The following PBRM1 variants were observed in gnomAD, a reference collection of about 807,000 sequenced individuals.
PBRM1 encodes polybromo 1, also known as protein polybromo-1.
Under a neutral mutation model 194.5 loss-of-function variants are expected in PBRM1, and 27 were observed. The observed-to-expected ratio is 0.14, with a 90% CI of 0.10 to 0.19. The LOEUF is 0.19. Among genes scored for constraint, PBRM1 ranks in the 10% least tolerant of loss-of-function variants. The probability of loss-of-function intolerance (pLI) is 1.00; values close to 1 mark genes in which losing one functional copy is unlikely to be tolerated. For synonymous variants in PBRM1, 655 were observed against 693.2 expected (o/e 0.94, Z 0.87); for missense variants, 1,466 against 2,077.2 (o/e 0.71, Z 5.72).
chr3:52,669,676 G>A (rs1317610385), intron 2 of PBRM1, among the ~76,000 whole-genome samples: 3 of 151,990 alleles, frequency 2.0e-5, no homozygotes, highest in African/African-American at 4.8e-5. Context: ...CTTTTATTAC[G>A]TATAATATAT....
At chr3:52,642,828 C>T (rs2096151991) in intron 9 of PBRM1, among the ~76,000 whole-genome samples, 1 of 151,010 alleles carries the variant, frequency 6.6e-6, no homozygotes, top group Non-Finnish European at 1.5e-5. Context: ...CCTCTGTTGC[C>T]CTGGCTGGAG....
chr3:52,563,566 C>T (rs145585353), intron 23 of PBRM1, 73 bp from the exon 26 acceptor site: 292 of 1,040,154 alleles, frequency 2.8e-4, no homozygotes, highest in Non-Finnish European at 4.1e-4. Context: ...CAGTGTTCCA[C>T]CTTAACAACT....
intron 26 of PBRM1, 36 bp from the exon 29 acceptor site, chr3:52,554,915 T>C (rs2081905144): frequency 6.3e-7 from 1 of 1,590,268 alleles, no homozygotes; most frequent in Admixed American, 1.7e-5. Context: ...CATGCATCAT[T>C]AACATGCAAC....
chr3:52,618,749 G>C (rs1042515858), intron 13 of PBRM1, among the ~76,000 whole-genome samples: 1 of 148,114 alleles, frequency 6.8e-6, no homozygotes, highest in Non-Finnish European at 1.5e-5. Flanking sequence ...CGCCTGCCAC[G>C]ACGCCCTGCT....
chr3:52,636,757 CAAAAA>C (rs567776784), intron 10 of PBRM1, among the ~76,000 whole-genome samples: 72 of 18,668 alleles, frequency 3.9e-3, no homozygotes, highest in South Asian at 0.033. Flanking sequence ...ACTCTGTCTC[CAAAAA>C]AAAAAAAAAA....
chr3:52,560,893 T>C (rs1009224414), intron 25 of PBRM1, among the ~76,000 whole-genome samples: 3 of 152,086 alleles, frequency 2.0e-5, no homozygotes, highest in African/African-American at 7.2e-5. Context: ...AAATAATTAA[T>C]GTTTGCCAGA....
chr3:52,558,291 T>C (rs1184403991), exon 26 of PBRM1: 2 of 1,549,330 alleles, frequency 1.3e-6, no homozygotes, highest in Admixed American at 2.0e-5. Flanking sequence ...CCCATTGGTG[T>C]TGGTGGTGGC....
intron 13 of PBRM1, among the ~76,000 whole-genome samples, chr3:52,619,300 T>C (rs893358049): frequency 1.2e-4 from 18 of 152,232 alleles, no homozygotes; most frequent in Non-Finnish European, 1.9e-4. Context: ...CCGAAATACA[T>C]AGATGCTCAA....
chr3:52,670,292 C>A (rs1376055592), intron 2 of PBRM1, among the ~76,000 whole-genome samples: 1 of 152,142 alleles, frequency 6.6e-6, no homozygotes, highest in East Asian at 1.9e-4. Context: ...AAAACAGGGT[C>A]CCCCCATTTC....
At chr3:52,585,325 T>G (rs766126904) in intron 20 of PBRM1, 2 of 152,166 alleles carry the variant, frequency 1.3e-5, no homozygotes, top group Non-Finnish European at 2.9e-5. Flanking sequence ...AAAAGTCACC[T>G]ATGGAACTGT....
intron 29 of PBRM1, 114 bp downstream of exon 31, chr3:52,550,302 ATTTAT>A (rs2080615980): frequency 4.7e-6 from 2 of 421,860 alleles, no homozygotes; most frequent in Admixed American, 4.3e-5. Flanking sequence ...GAAATATATA[ATTTAT>A]TTTAATTGTA....
chr3:52,572,334 G>C (rs1307849392), intron 22 of PBRM1, among the ~76,000 whole-genome samples: 1 of 152,094 alleles, frequency 6.6e-6, no homozygotes, highest in Non-Finnish European at 1.5e-5. Flanking sequence ...GTTAAGGGTA[G>C]AGGTACTGTC....
intron 1 of PBRM1, among the ~76,000 whole-genome samples, chr3:52,679,134 T>C (rs1193492398): frequency 6.6e-6 from 1 of 152,240 alleles, no homozygotes; most frequent in African/African-American, 2.4e-5. Flanking sequence ...TGGAACTCTC[T>C]TCCAGCGAAT....
intron 13 of PBRM1, among the ~76,000 whole-genome samples, chr3:52,621,414 C>T (rs765360410): frequency 3.3e-5 from 5 of 152,112 alleles, no homozygotes; most frequent in Non-Finnish European, 7.4e-5. Flanking sequence ...CTGCCCGCCT[C>T]GGCCTCCCAA....
intron 13 of PBRM1, 145 bp downstream of exon 15, chr3:52,624,752 T>G (rs1274135626): frequency 1.6e-6 from 1 of 628,744 alleles, no homozygotes; most frequent in African/African-American, 1.8e-5. Flanking sequence ...ACTGTACTGC[T>G]TTCTTTATTC....
chr3:52,567,646 A>G (rs561344255), intron 22 of PBRM1, among the ~76,000 whole-genome samples: 1 of 150,944 alleles, frequency 6.6e-6, no homozygotes, highest in African/African-American at 2.4e-5. Context: ...TTTAACTAGC[A>G]TTTCTCTAAT....
upstream of PBRM1, among the ~76,000 whole-genome samples, chr3:52,683,631 C>A (rs566965105): frequency 2.0e-5 from 3 of 151,566 alleles, no homozygotes; most frequent in East Asian, 3.9e-4. Flanking sequence ...CTGGCCAACA[C>A]GGTGAAACCC....
At chr3:52,554,453 C>T (rs1486771133) in intron 27 of PBRM1, among the ~76,000 whole-genome samples, 1 of 152,258 alleles carries the variant, frequency 6.6e-6, no homozygotes, top group Non-Finnish European at 1.5e-5. Flanking sequence ...GAGTGATTAT[C>T]GATAGAGTAT....
chr3:52,567,196 T>C (rs576336915), intron 22 of PBRM1, among the ~76,000 whole-genome samples: 29 of 152,164 alleles, frequency 1.9e-4, no homozygotes, highest in Admixed American at 1.8e-3. Flanking sequence ...CAAAATAATA[T>C]GTCTTGGAGG....
Sources: allele counts gnomAD v4.1 joint callset (sites outside exome capture counted in the v4.1 genomes callset), GRCh38; gene constraint gnomAD v4.1.1; transcripts MANE v1.5; gene names NCBI Gene and HGNC (gene_info 2026-07-23, HGNC 2026-07-21).